Variants in NAV2 observed in about 807,000 individuals in gnomAD.
NAV2 encodes neuron navigator 2, also known as helicase, APC down-regulated 1.
NAV2 carries 54 observed loss-of-function variants against 223.2 expected under a neutral mutation model. That is an observed-to-expected ratio of 0.24 (90% CI 0.19 to 0.30). NAV2 has a LOEUF of 0.30. Among genes scored for constraint, NAV2 ranks in the 10% least tolerant of loss-of-function variants. The pLI, the probability that NAV2 is intolerant of heterozygous loss-of-function variation, is 1.00. For missense variants in NAV2, 2,806 were observed against 3,147.5 expected (o/e 0.89, Z 2.60); for synonymous variants, 1,279 against 1,239.3 (o/e 1.03, Z -0.67).
At chr11:19,729,701 G>A (rs963528443) in intron 1 of NAV2, among the ~76,000 whole-genome samples, 1 of 152,180 alleles carries the variant, frequency 6.6e-6, no homozygotes, top group Non-Finnish European at 1.5e-5. Flanking sequence ...GATGTTGAGT[G>A]CCATTTCTCC....
chr11:19,605,403 A>G (rs1052943740), intron 1 of NAV2, among the ~76,000 whole-genome samples: 1 of 152,062 alleles, frequency 6.6e-6, no homozygotes, highest in Non-Finnish European at 1.5e-5. Context: ...TCCTAAGTGT[A>G]TTTACCGTTT....
chr11:19,810,248 C>G (rs2073952049), intron 1 of NAV2, among the ~76,000 whole-genome samples: 1 of 152,168 alleles, frequency 6.6e-6, no homozygotes, highest in African/African-American at 2.4e-5. Context: ...CAGTTGGCTC[C>G]TGTGTCACTT....
intron 1 of NAV2, among the ~76,000 whole-genome samples, chr11:19,395,285 G>T (rs1393000345): frequency 6.6e-6 from 1 of 152,192 alleles, no homozygotes; most frequent in Non-Finnish European, 1.5e-5. Context: ...CCCCTCATTG[G>T]GCCCACACAT....
At chr11:19,942,933 T>A (rs2046521220) in intron 8 of NAV2, among the ~76,000 whole-genome samples, 1 of 152,156 alleles carries the variant, frequency 6.6e-6, no homozygotes, top group African/African-American at 2.4e-5. Context: ...CATTGAGCTG[T>A]GATCACAGCA....
rs1006510969 is a variant in NAV2 at position 19,683,099 on chromosome 11, A to C, written c.76-149385A>C. On this transcript the variant is annotated intron_variant, in intron 1 of 37. Transcript: ENST00000360655. ...TGACTGCTTTGGTTCATATAGATAA[A>C]ATGGGGGTATTTGTATTAAATGATC... 7.2e-5 allele frequency among the ~76,000 whole-genome samples: 11 copies of C among 152,202 alleles called. No homozygotes were observed. In the South Asian group the frequency reaches 1.5e-3, roughly 20 times the overall value.
At chr11:20,005,001 A>G (rs1448637346) in intron 11 of NAV2, among the ~76,000 whole-genome samples, 1 of 152,090 alleles carries the variant, frequency 6.6e-6, no homozygotes, top group Non-Finnish European at 1.5e-5. Flanking sequence ...CTTACTTGCG[A>G]TAATCCCAAT....
intron 1 of NAV2, among the ~76,000 whole-genome samples, chr11:19,541,481 C>T (rs919813523): frequency 1.1e-4 from 16 of 152,320 alleles, no homozygotes; most frequent in African/African-American, 3.6e-4. Context: ...AACTGCCAGC[C>T]GATGGTTGGC....
intron 10 of NAV2, among the ~76,000 whole-genome samples, chr11:19,974,934 C>T (rs7123079): frequency 0.54 from 82,023 of 152,120 alleles, 24,385 homozygotes; most frequent in Middle Eastern, 0.71. Context: ...GTGTATGAAG[C>T]TGAGGCCTTG....
chr11:19,501,072 A>T (rs1235722437), intron 1 of NAV2, among the ~76,000 whole-genome samples: 1 of 152,046 alleles, frequency 6.6e-6, no homozygotes, highest in East Asian at 1.9e-4. Context: ...TCCTTTGTTC[A>T]TGGCTCCTCC....
intron 24 of NAV2, 62 bp from the exon 25 acceptor site, chr11:20,080,002 T>C: frequency 1.3e-6 from 2 of 1,586,720 alleles, no homozygotes; most frequent in Non-Finnish European, 1.7e-6. Flanking sequence ...AAGGGCAAAA[T>C]CCTGAGATAA....
chr11:19,878,688 C>A (rs889968592), intron 4 of NAV2, among the ~76,000 whole-genome samples: 3 of 152,166 alleles, frequency 2.0e-5, no homozygotes, highest in Non-Finnish European at 4.4e-5. Flanking sequence ...TCAGCCTGAC[C>A]TAATCAGCAA....
At chr11:19,623,075 G>C (rs916213475) in intron 1 of NAV2, among the ~76,000 whole-genome samples, 10 of 152,160 alleles carry the variant, frequency 6.6e-5, no homozygotes, top group Non-Finnish European at 1.3e-4. Flanking sequence ...TTTTCTTTAA[G>C]AATATTGAAT....
chr11:20,023,110 C>A (rs1380120603), intron 11 of NAV2: 2 of 1,551,770 alleles, frequency 1.3e-6, no homozygotes, highest in Non-Finnish European at 8.7e-7. Context: ...TAGTGAAATG[C>A]TCTGGCCTAG....
chr11:19,490,003 T>C (rs558004793), intron 1 of NAV2, among the ~76,000 whole-genome samples: 21 of 152,372 alleles, frequency 1.4e-4, no homozygotes, highest in African/African-American at 5.0e-4. Context: ...CATGAATTTT[T>C]TATTTTTCCA....
chr11:19,430,353 C>A (rs1232521125), intron 1 of NAV2, among the ~76,000 whole-genome samples: 2 of 152,216 alleles, frequency 1.3e-5, no homozygotes, highest in Admixed American at 6.5e-5. Context: ...CTAAAGCTGA[C>A]CCGTTTGGTG....
chr11:20,079,558 G>A (rs189185363), intron 24 of NAV2, among the ~76,000 whole-genome samples: 9 of 152,194 alleles, frequency 5.9e-5, no homozygotes, highest in Admixed American at 3.9e-4. Flanking sequence ...AGTGATAATA[G>A]CTTTGAAATG....
chr11:19,400,591 C>A (rs1849640792), intron 1 of NAV2, among the ~76,000 whole-genome samples: 2 of 152,124 alleles, frequency 1.3e-5, no homozygotes, highest in Admixed American at 6.5e-5. Flanking sequence ...CCTAAGTCTC[C>A]TTCCTTAAAT....
At chr11:19,441,915 AT>A in intron 1 of NAV2, among the ~76,000 whole-genome samples, 1 of 152,238 alleles carries the variant, frequency 6.6e-6, no homozygotes, top group East Asian at 1.9e-4. Context: ...GTCCTTATCT[AT>A]TTTTCCCATT....
At chr11:19,816,324 T>G (rs1362934233) in intron 1 of NAV2, among the ~76,000 whole-genome samples, 5 of 152,232 alleles carry the variant, frequency 3.3e-5, no homozygotes, top group Non-Finnish European at 7.3e-5. Context: ...TTTTAAAGCC[T>G]TTGCTACACA....
Sources: gnomAD v4.1 joint callset for allele counts (sites outside exome capture counted in the v4.1 genomes callset) on GRCh38, gnomAD v4.1.1 for gene constraint, MANE v1.5 for transcripts, NCBI Gene and HGNC (gene_info 2026-07-23, HGNC 2026-07-21) for gene names.